AP3B1: variants seen among roughly 807,000 people sequenced by gnomAD.
AP3B1 encodes the protein AP-3 complex subunit beta-1.
Under a neutral mutation model 132.5 loss-of-function variants are expected in AP3B1, and 61 were observed. That is an observed-to-expected ratio of 0.46 (90% confidence interval 0.37 to 0.57). AP3B1 has a LOEUF of 0.57. Ranked by LOEUF, AP3B1 falls within the 20% of genes least tolerant of loss-of-function variation. AP3B1 has a pLI of 0.00. For synonymous variants in AP3B1, 388 were observed against 438.3 expected (o/e 0.89, Z 1.43); for missense variants, 1,120 against 1,289.4 (o/e 0.87, Z 2.01).
At chr5:78,228,942 T>A (rs1382085983) in intron 3 of AP3B1, among the ~76,000 whole-genome samples, 1 of 152,248 alleles carries the variant, frequency 6.6e-6, no homozygotes, top group Non-Finnish European at 1.5e-5. Flanking sequence ...GGTTTTCGAT[T>A]TTTTTTCTGA....
rs1274260732 is a variant in AP3B1, at chr5:78,157,952, T to C, written c.1364-1585A>G. Among the ~76,000 whole-genome samples, 5 of 152,240 alleles carry C rather than the reference T, an allele frequency of 3.3e-5. No individual in the cohort carries two copies. The East Asian group carries it at 9.7e-4, about 29-fold the overall frequency. On this transcript the variant is annotated intron_variant, in intron 13 of 26. Coordinates refer to ENST00000255194, the MANE Select transcript of AP3B1 (RefSeq NM_003664.5). ...TTTTAGTAGAGACGGGGTTTGACCA[T>C]ATTGGTCAGGCTGGTCTCAAACTCC... is the stretch of plus-strand genomic sequence containing the variant.
chr5:78,101,254 A>G, intron 20 of AP3B1: 1 of 480,502 alleles, frequency 2.1e-6, no homozygotes, highest in East Asian at 4.2e-5. Context: ...TTTAAAAATT[A>G]TAAATGTCAG....
At chr5:78,209,171 G>A (rs1175138711) in intron 7 of AP3B1, among the ~76,000 whole-genome samples, 1 of 151,910 alleles carries the variant, frequency 6.6e-6, no homozygotes, top group Non-Finnish European at 1.5e-5. Context: ...ACGACCAAGG[G>A]CATTCCAAAG....
At chr5:78,286,601 C>A (rs6869559) in intron 1 of AP3B1, among the ~76,000 whole-genome samples, 44,959 of 152,020 alleles carry the variant, frequency 0.3, 7,049 homozygotes, top group African/African-American at 0.39. Context: ...AAATTATATT[C>A]TTTAGAAATT....
downstream of AP3B1, chr5:78,001,742 G>A (rs1192564525): frequency 6.6e-6 from 1 of 152,070 alleles, no homozygotes; most frequent in African/African-American, 2.4e-5. Flanking sequence ...CATTATGTAT[G>A]TGGCTCTATA....
At chr5:78,168,209 C>A (rs538176384) in intron 11 of AP3B1, among the ~76,000 whole-genome samples, 170 of 148,838 alleles carry the variant, frequency 1.1e-3, no homozygotes, top group African/African-American at 3.8e-3. Context: ...AACTTTTAGA[C>A]AACTTTTTTC....
chr5:78,022,520 T>TGGCTGTTGTTGTGGAATCCTGTCC (rs1747147819), intron 24 of AP3B1, among the ~76,000 whole-genome samples: 3 of 152,114 alleles, frequency 2.0e-5, no homozygotes, highest in Admixed American at 6.5e-5. Flanking sequence ...TCCCAGTTTA[T>TGGCTGTTGTTGTGGAATCCTGTCC]GGCTGTTGTT....
intron 2 of AP3B1, among the ~76,000 whole-genome samples, chr5:78,256,891 T>A (rs954972231): frequency 2.0e-5 from 3 of 152,080 alleles, no homozygotes; most frequent in African/African-American, 7.2e-5. Flanking sequence ...ATGTGATACA[T>A]CATGTCAACA....
chr5:78,251,312 C>CA (rs1282613932), intron 2 of AP3B1, among the ~76,000 whole-genome samples: 1 of 151,966 alleles, frequency 6.6e-6, no homozygotes, highest in South Asian at 2.1e-4. Context: ...CCCCCGAGGA[C>CA]AAAAAAGTTA....
At chr5:78,149,726 A>G (rs1753564528) in intron 14 of AP3B1, among the ~76,000 whole-genome samples, 1 of 152,200 alleles carries the variant, frequency 6.6e-6, no homozygotes, top group Non-Finnish European at 1.5e-5. Flanking sequence ...GAAGCTAGTA[A>G]AAGGTACAGA....
chr5:78,071,688 T>C (rs529634016), intron 22 of AP3B1, among the ~76,000 whole-genome samples: 57 of 152,306 alleles, frequency 3.7e-4, no homozygotes, highest in Admixed American at 1.2e-3. Flanking sequence ...CCAAACACAT[T>C]TGATGAGCAC....
At chr5:78,096,661 C>T (rs182470548) in intron 21 of AP3B1, among the ~76,000 whole-genome samples, 19 of 151,416 alleles carry the variant, frequency 1.3e-4, no homozygotes, top group African/African-American at 3.6e-4. Flanking sequence ...TGCCCGGCCG[C>T]GACTCCGTCT....
In AP3B1 at chr5:78,087,197, C is replaced by T. The variant is rs536181968; in HGVS notation, c.2577+2196G>A. 5.7e-4 allele frequency among the ~76,000 whole-genome samples: 86 copies of T among 152,200 alleles called. 1 individual carries two copies. Among genetic ancestry groups the T allele is most frequent in the African/African-American group, 1.8e-3 (76 of 41,538 alleles). On this transcript the variant is annotated intron_variant, in intron 22 of 26. Coordinates refer to ENST00000255194, the MANE Select transcript of AP3B1 (RefSeq NM_003664.5). The stretch of plus-strand genomic sequence containing the variant: ...ATAGATGTACTCTATCATCTATGAA[C>T]TTCATTTCAGGATCCAAAAAAGCTC...
Position 78,110,354 on chromosome 5 carries a change from A to T in AP3B1, c.2250T>A (p.Ser750Arg). ...TTTCCTTCTCCCCATCTTCAGAATC[A>T]CTACACATAATAGTAAATTTTGAAA... ...AKRNSKAKGK[S>R]DSEDGEKENE... The change falls in exon 20 of 27, where the codon AGT (serine) becomes AGA (arginine). Residue 750 changes from serine (S) to arginine (R), a missense_variant and splice_region_variant. Coordinates refer to ENST00000255194, the MANE Select transcript of AP3B1 (RefSeq NM_003664.5). 1 of 1,603,072 alleles carries T rather than the reference A, an allele frequency of 6.2e-7. No individual in the cohort carries two copies. Among genetic ancestry groups the T allele is most frequent in the Non-Finnish European group, 8.5e-7 (1 of 1,171,534 alleles).
At chr5:78,120,199 T>C (rs1031994144) in intron 17 of AP3B1, among the ~76,000 whole-genome samples, 5 of 152,114 alleles carry the variant, frequency 3.3e-5, no homozygotes, top group South Asian at 2.1e-4. Context: ...AAGCACTAAA[T>C]ATGGAAAAGA....
At chr5:78,240,516 T>C (rs917833869) in intron 3 of AP3B1, among the ~76,000 whole-genome samples, 1 of 152,190 alleles carries the variant, frequency 6.6e-6, no homozygotes, top group Non-Finnish European at 1.5e-5. Flanking sequence ...GGTCTGGATA[T>C]ACCCAAATAG....
intron 3 of AP3B1, among the ~76,000 whole-genome samples, chr5:78,239,850 A>G (rs1401623915): frequency 2.0e-5 from 3 of 152,084 alleles, no homozygotes; most frequent in Non-Finnish European, 4.4e-5. Flanking sequence ...AACACTATCA[A>G]TCACATTTAG....
chr5:78,225,410 A>T (rs957781065), intron 6 of AP3B1, 132 bp downstream of exon 6: 9 of 479,406 alleles, frequency 1.9e-5, no homozygotes, highest in Non-Finnish European at 2.9e-5. Context: ...CTTTAAAAAT[A>T]GTCCTGTGTG....
intron 22 of AP3B1, among the ~76,000 whole-genome samples, chr5:78,046,791 T>A (rs1748352973): frequency 6.6e-6 from 1 of 152,056 alleles, no homozygotes; most frequent in South Asian, 2.1e-4. Context: ...CCAAGGTGGT[T>A]TTGCTACACC....
Sources: gnomAD v4.1 joint callset for allele counts (sites outside exome capture counted in the v4.1 genomes callset) on GRCh38, gnomAD v4.1.1 for gene constraint, MANE v1.5 for transcripts, NCBI Gene and HGNC (gene_info 2026-07-23, HGNC 2026-07-21) for gene names.